The following POFUT1 variants were observed in gnomAD, a reference collection of about 807,000 sequenced individuals.
POFUT1 encodes the protein GDP-fucose protein O-fucosyltransferase 1.
Under a neutral mutation model 42.4 loss-of-function variants are expected in POFUT1, and 16 were observed. The ratio of observed to expected loss-of-function variants is 0.38; its 90% CI spans 0.26 to 0.57. The LOEUF is 0.57. Ranked by LOEUF, POFUT1 falls within the 20% of genes least tolerant of loss-of-function variation. The pLI is 0.71. For synonymous variants in POFUT1, 206 were observed against 205.4 expected (o/e 1.00, Z -0.03); for missense variants, 470 against 504.6 (o/e 0.93, Z 0.66).
intron 2 of POFUT1, among the ~76,000 whole-genome samples, chr20:32,213,154 G>A (rs1041929103): frequency 6.6e-6 from 1 of 151,866 alleles, no homozygotes; most frequent in African/African-American, 2.4e-5. Flanking sequence ...CCAAAGTACT[G>A]GGATTATAGG....
At chr20:32,229,998 C>T (rs1254872339) in intron 5 of POFUT1, among the ~76,000 whole-genome samples, 3 of 152,090 alleles carry the variant, frequency 2.0e-5, no homozygotes, top group Non-Finnish European at 4.4e-5. Flanking sequence ...GACTGGTCTC[C>T]AATTCCTGAG....
chr20:32,238,067 G>A lies in POFUT1; in HGVS notation c.*3406G>A, dbSNP rs1011039386. On this transcript the variant is annotated 3_prime_UTR_variant, in exon 7 of 7. Transcript: ENST00000375749. ...GCTCTTAATTATAAAAAATTCTGTC[G>A]AGGAGTGTTCCATAGTTTATTGTTT... The A allele has an allele frequency of 2.1e-5, 7 of 333,712 alleles. No homozygotes were observed. The highest frequency in any genetic ancestry group is 1.1e-4 in the African/African-American group (5 of 46,390). The allele number at this position is 333,712 out of a possible 1,614,324, so 20.7% of individuals were successfully genotyped here. A position where few individuals can be genotyped will look rare whatever the true frequency, so the allele number is the denominator to read the frequency against.
chr20:32,229,236 A>G (rs2047430118), intron 5 of POFUT1, among the ~76,000 whole-genome samples: 1 of 152,208 alleles, frequency 6.6e-6, no homozygotes, highest in African/African-American at 2.4e-5. Context: ...CATAACACTA[A>G]TACCAAACTC....
intron 2 of POFUT1, among the ~76,000 whole-genome samples, chr20:32,211,813 C>T (rs975217118): frequency 6.6e-6 from 1 of 152,228 alleles, no homozygotes; most frequent in Non-Finnish European, 1.5e-5. Flanking sequence ...CTCCCACTGG[C>T]ACTTGACCCT....
Position 32,207,941 on chromosome 20 carries a change from C to T in POFUT1, c.-1C>T, listed in dbSNP as rs750509980. ...CGGCTGGCTCGGGTTCCCGGGCCGACATGGGCGCCGCCGCGTGGGCACGGC... is the reference window on the plus strand; with the variant it reads ...CGGCTGGCTCGGGTTCCCGGGCCGATATGGGCGCCGCCGCGTGGGCACGGC... On this transcript the variant is annotated 5_prime_UTR_variant, in exon 1 of 7. Transcript: ENST00000375749. 25 of 1,586,190 alleles carry T rather than the reference C, an allele frequency of 1.6e-5. No individual in the cohort carries two copies. In the Admixed American group the frequency reaches 3.4e-4, roughly 22 times the overall value.
At position 32,228,252 on chromosome 20, in the gene POFUT1, C is replaced by A; in HGVS notation, c.543-11C>A. 1 of 1,610,314 alleles carries A rather than the reference C, an allele frequency of 6.2e-7. No individual in the cohort carries two copies. Among genetic ancestry groups the A allele is most frequent in the Non-Finnish European group, 8.5e-7 (1 of 1,177,510 alleles). On this transcript the variant is annotated splice_polypyrimidine_tract_variant and intron_variant, in intron 4 of 6. Coordinates refer to ENST00000375749, the MANE Select transcript of POFUT1 (RefSeq NM_015352.2). ...CGTCCTCTGACTTCCCTCATTCCAT[C>A]TCCTGTCTAGATTTTCTCCAAAGGA...
intron 4 of POFUT1, among the ~76,000 whole-genome samples, chr20:32,219,947 T>C (rs2047382727): frequency 1.3e-5 from 2 of 152,336 alleles, no homozygotes; most frequent in South Asian, 4.1e-4. Flanking sequence ...TTGGAACGAA[T>C]AACCTTTATT....
intron 4 of POFUT1, among the ~76,000 whole-genome samples, chr20:32,219,539 T>A (rs576620237): frequency 4.9e-5 from 7 of 144,210 alleles, no homozygotes; most frequent in Non-Finnish European, 1.1e-4. Context: ...AGACGGAATC[T>A]CACTCTGTCA....
At chr20:32,222,536 C>T (rs1436966650) in intron 4 of POFUT1, 1 of 923,276 alleles carries the variant, frequency 1.1e-6, no homozygotes, top group Non-Finnish European at 1.3e-6. Context: ...TGGGCCATAC[C>T]TAGCTGCAAG....
At chr20:32,230,731 A>G (rs1600394311) in intron 5 of POFUT1, 88 bp from the exon 6 acceptor site, 5 of 1,453,844 alleles carry the variant, frequency 3.4e-6, no homozygotes, top group East Asian at 4.5e-5. Context: ...TTCTTCCTGT[A>G]TAGCCTGTCT....
At chr20:32,225,276 G>A (rs927713415) in intron 4 of POFUT1, among the ~76,000 whole-genome samples, 2 of 150,208 alleles carry the variant, frequency 1.3e-5, no homozygotes, top group African/African-American at 2.5e-5. Context: ...TGCAAGCTCT[G>A]TCTCACAGGT....
At chr20:32,226,712 C>T (rs1265796265) in intron 4 of POFUT1, among the ~76,000 whole-genome samples, 2 of 152,022 alleles carry the variant, frequency 1.3e-5, no homozygotes, top group Non-Finnish European at 1.5e-5. Context: ...TTGAGATTGC[C>T]CACCCTCCCT....
intron 4 of POFUT1, among the ~76,000 whole-genome samples, chr20:32,224,666 G>A (rs1275502310): frequency 6.6e-6 from 1 of 152,194 alleles, no homozygotes; most frequent in Admixed American, 6.5e-5. Context: ...TGAGGCTTGG[G>A]AATTGCGACT....
intron 2 of POFUT1, among the ~76,000 whole-genome samples, chr20:32,211,548 G>A (rs542103941): frequency 4.5e-4 from 68 of 152,238 alleles, no homozygotes; most frequent in African/African-American, 1.6e-3. Context: ...GGGATTATAG[G>A]CATAAGCCAC....
chr20:32,228,553 G>A, intron 5 of POFUT1, 98 bp downstream of exon 5: 1 of 996,388 alleles, frequency 1.0e-6, no homozygotes, highest in South Asian at 1.7e-5. Flanking sequence ...CCAGAGCAGA[G>A]ATCTCTCACT....
chr20:32,217,580 C>T, intron 4 of POFUT1: 2 of 984,594 alleles, frequency 2.0e-6, no homozygotes, highest in Non-Finnish European at 2.4e-6. Flanking sequence ...CCCCTGCACT[C>T]CAGCCCAGGT....
intron 4 of POFUT1, among the ~76,000 whole-genome samples, chr20:32,227,688 T>C (rs1400997489): frequency 6.6e-6 from 1 of 152,188 alleles, no homozygotes; most frequent in Non-Finnish European, 1.5e-5. Flanking sequence ...TGGGAGGGCA[T>C]GATAGGGGCA....
chr20:32,217,083 G>A lies in POFUT1; in HGVS notation c.542+362G>A, dbSNP rs201381806. On this transcript the variant is annotated intron_variant, in intron 4 of 6. Transcript: ENST00000375749. ...AGCAGCTTCTAGAGAACAGCTTCAG[G>A]TGCAGACCGAGAAATGACGTCATCC... 1.1e-4 allele frequency: 177 copies of A among 1,611,972 alleles called. No homozygotes were observed. In the African/African-American group the frequency reaches 2.2e-3, roughly 20 times the overall value.
intron 4 of POFUT1, among the ~76,000 whole-genome samples, chr20:32,221,048 A>G (rs2047388660): frequency 6.6e-6 from 1 of 152,122 alleles, no homozygotes; most frequent in Non-Finnish European, 1.5e-5. Flanking sequence ...CCTAATGGGA[A>G]GGGGTTCAAA....
Sources: allele counts gnomAD v4.1 joint callset (sites outside exome capture counted in the v4.1 genomes callset), GRCh38; gene constraint gnomAD v4.1.1; transcripts MANE v1.5; gene names NCBI Gene and HGNC (gene_info 2026-07-23, HGNC 2026-07-21).